TENM3: variants seen among roughly 807,000 people sequenced by gnomAD.
The protein encoded by TENM3 is teneurin transmembrane protein 3, also known as teneurin-3.
Under a neutral mutation model 255.1 loss-of-function variants are expected in TENM3, and 63 were observed. That is an observed-to-expected ratio of 0.25 (90% CI 0.20 to 0.30). The LOEUF (loss-of-function observed/expected upper bound fraction) is 0.30, where lower values mean the gene tolerates loss of function less well. Ranked by LOEUF, TENM3 falls within the 10% of genes least tolerant of loss-of-function variation. TENM3 has a pLI of 1.00. For missense variants in TENM3, 2,929 were observed against 3,461.1 expected, an observed-to-expected ratio of 0.85 and a Z score of 3.86; for synonymous variants, 1,306 against 1,322.3, an observed-to-expected ratio of 0.99 and a Z score of 0.27.
the TENM3 span, among the ~76,000 whole-genome samples, chr4:182,056,275 T>C: frequency 6.6e-6 from 1 of 152,220 alleles, no homozygotes; most frequent in African/African-American, 2.4e-5. Context: ...TTTTTAACAA[T>C]GTCTTTGACA....
At chr4:182,477,032 C>T (rs930626006) in intron 3 of TENM3, among the ~76,000 whole-genome samples, 1 of 152,154 alleles carries the variant, frequency 6.6e-6, no homozygotes, top group Non-Finnish European at 1.5e-5. Flanking sequence ...GAACTATTTC[C>T]GTGAGATATT....
At chr4:181,499,529 A>G in the TENM3 span, among the ~76,000 whole-genome samples, 1 of 152,190 alleles carries the variant, frequency 6.6e-6, no homozygotes, top group Admixed American at 6.5e-5. Context: ...AGGGGCACAG[A>G]GGAGGGAGAT....
At chr4:182,187,320 C>A (rs1274493074) in intron 1 of TENM3, among the ~76,000 whole-genome samples, 4 of 152,136 alleles carry the variant, frequency 2.6e-5, no homozygotes, top group African/African-American at 9.7e-5. Context: ...TATCAGAACT[C>A]ATGTAGTAAA....
the TENM3 span, among the ~76,000 whole-genome samples, chr4:181,545,660 C>T: frequency 5.3e-5 from 8 of 151,964 alleles, no homozygotes; most frequent in East Asian, 1.9e-4. Context: ...CTTTGGGTTA[C>T]GTTTTATTTT....
intron 1 of TENM3, among the ~76,000 whole-genome samples, chr4:182,299,981 T>A (rs1260299297): frequency 1.3e-5 from 2 of 151,486 alleles, no homozygotes; most frequent in Admixed American, 1.3e-4. Flanking sequence ...AGTGGCGCAA[T>A]CTTGGCTTAA....
intron 1 of TENM3, among the ~76,000 whole-genome samples, chr4:182,178,531 G>T (rs1752656602): frequency 6.6e-6 from 1 of 152,070 alleles, no homozygotes; most frequent in African/African-American, 2.4e-5. Context: ...TCTGTGTCTT[G>T]CATGTTCAGG....
At chr4:182,726,301 T>C (rs1447367165) in intron 13 of TENM3, among the ~76,000 whole-genome samples, 1 of 152,006 alleles carries the variant, frequency 6.6e-6, no homozygotes. Flanking sequence ...TGACAGAAAA[T>C]TGAATTCAAA....
the TENM3 span, among the ~76,000 whole-genome samples, chr4:181,543,479 A>C: frequency 2.0e-5 from 3 of 152,224 alleles, no homozygotes; most frequent in African/African-American, 7.2e-5. Flanking sequence ...TTGATTTCTC[A>C]GTCCAAAGCT....
rs1561153155 is a variant in TENM3 at position 182,161,756 on chromosome 4, TACATATATATGTGTATATATATATAC to T, written c.-76+17006_-76+17031del. Among the ~76,000 whole-genome samples the T allele has an allele frequency of 1.7e-3, 102 of 61,616 alleles. 6 individuals carry two copies. The highest frequency in any genetic ancestry group is 0.011 in the Middle Eastern group (1 of 94). 40.4% of individuals were successfully genotyped at this position (61,616 alleles called of 152,430 possible). ...ATACACAAATATATGTGTATATATA[TACATATATATGTGTATATATATATAC>T]ACAAATATATGTATATATATACACA... On this transcript the variant is annotated intron_variant, in intron 1 of 2. Coordinates refer to the TENM3 transcript ENST00000512480.
At chr4:181,518,983 G>T in the TENM3 span, among the ~76,000 whole-genome samples, 25 of 152,238 alleles carry the variant, frequency 1.6e-4, no homozygotes, top group Middle Eastern at 3.4e-3. Context: ...GGTTTAGCAG[G>T]GAGATTAATA....
chr4:182,440,400 C>G (rs1414325440), intron 3 of TENM3, among the ~76,000 whole-genome samples: 1 of 152,166 alleles, frequency 6.6e-6, no homozygotes, highest in African/African-American at 2.4e-5. Context: ...GCGTGAGCCA[C>G]TGCAGCTGGC....
rs927701843 is a variant in TENM3 at position 182,801,005 on chromosome 4, A to T, written c.*654A>T. On this transcript the variant is annotated 3_prime_UTR_variant, in exon 28 of 28. Transcript: ENST00000511685. ...CTGATTTTTTTGTAAATTATGTGAGACAAGTTGTTTATGGATTTTTATATG... is the reference window on the plus strand; with the variant it reads ...CTGATTTTTTTGTAAATTATGTGAGTCAAGTTGTTTATGGATTTTTATATG... The T allele has an allele frequency of 6.5e-6, 1 of 152,672 alleles. No homozygotes were observed. The highest frequency in any genetic ancestry group is 1.5e-5 in the Non-Finnish European group (1 of 68,046). 9.5% of individuals were successfully genotyped at this position (152,672 alleles called of 1,614,324 possible). A position where few individuals can be genotyped will look rare whatever the true frequency, so the allele number is the denominator to read the frequency against.
At chr4:181,719,643 C>T in the TENM3 span, among the ~76,000 whole-genome samples, 4 of 152,200 alleles carry the variant, frequency 2.6e-5, 1 homozygote, top group Admixed American at 2.6e-4. Context: ...GCCCCACATC[C>T]TAATCCCATC....
intron 1 of TENM3, among the ~76,000 whole-genome samples, chr4:182,299,489 G>T (rs555369502): frequency 2.6e-5 from 4 of 152,168 alleles, no homozygotes; most frequent in Non-Finnish European, 5.9e-5. Context: ...AAAACAGAAG[G>T]TGCCACAGAA....
At chr4:182,549,892 A>G (rs1184605780) in intron 3 of TENM3, among the ~76,000 whole-genome samples, 1 of 152,216 alleles carries the variant, frequency 6.6e-6, no homozygotes, top group African/African-American at 2.4e-5. Context: ...CTGACTATAG[A>G]GAACTATATC....
At chr4:182,255,898 C>T (rs374752857) in intron 1 of TENM3, among the ~76,000 whole-genome samples, 3 of 152,198 alleles carry the variant, frequency 2.0e-5, no homozygotes, top group East Asian at 1.9e-4. Context: ...CACTACACCA[C>T]GTCTTAACTC....
chr4:181,794,666 CTGTGTGTGTGTGTG>C, the TENM3 span, among the ~76,000 whole-genome samples: 1 of 142,900 alleles, frequency 7.0e-6, no homozygotes, highest in African/African-American at 2.6e-5. Context: ...AATAATATCC[CTGTGTGTGTGTGTG>C]TGTGTGTGTG....
chr4:181,924,013 A>T, the TENM3 span, among the ~76,000 whole-genome samples: 109 of 152,186 alleles, frequency 7.2e-4, no homozygotes, highest in Admixed American at 1.3e-3. Flanking sequence ...GGGCTCTTAC[A>T]TGTCTTACTG....
At chr4:182,499,946 A>G (rs913499598) in intron 3 of TENM3, among the ~76,000 whole-genome samples, 1 of 152,218 alleles carries the variant, frequency 6.6e-6, no homozygotes, top group Non-Finnish European at 1.5e-5. Context: ...GGGGAAATGT[A>G]CAAAAGCTTT....
Sources: gnomAD v4.1 joint callset for allele counts (sites outside exome capture counted in the v4.1 genomes callset) on GRCh38, gnomAD v4.1.1 for gene constraint, MANE v1.5 for transcripts, NCBI Gene and HGNC (gene_info 2026-07-23, HGNC 2026-07-21) for gene names.